FHIT: variants seen among roughly 807,000 people sequenced by gnomAD.
The protein encoded by FHIT is bis(5'-adenosyl)-triphosphatase.
In FHIT, 19 loss-of-function variants were observed where a neutral mutation model predicts 17.9. The ratio of observed to expected loss-of-function variants is 1.06; its 90% CI spans 0.74 to 1.56. The LOEUF is 1.56. FHIT is among the 40% of genes most tolerant of loss of function. FHIT has a pLI of 0.00. For synonymous variants in FHIT, 81 were observed against 69.7 expected (o/e 1.16, Z -0.81); for missense variants, 248 against 189.2 (o/e 1.31, Z -1.82).
intron 2 of FHIT, among the ~76,000 whole-genome samples, chr3:61,059,645 G>A (rs1028797076): frequency 6.6e-6 from 1 of 152,082 alleles, no homozygotes; most frequent in Non-Finnish European, 1.5e-5. Context: ...CTCCTTCAAA[G>A]AAAACAACTG....
At chr3:60,530,412 A>T (rs1047026720) in intron 5 of FHIT, among the ~76,000 whole-genome samples, 3 of 152,274 alleles carry the variant, frequency 2.0e-5, no homozygotes, top group African/African-American at 7.2e-5. Flanking sequence ...ATCCAATTTC[A>T]AACCTTCCTT....
At chr3:61,060,475 C>T (rs2034388451) in intron 2 of FHIT, among the ~76,000 whole-genome samples, 1 of 152,190 alleles carries the variant, frequency 6.6e-6, no homozygotes, top group Non-Finnish European at 1.5e-5. Context: ...AAGCCAGCAG[C>T]TTTCTGGGAA....
chr3:60,952,225 G>A (rs1408819910), intron 3 of FHIT, among the ~76,000 whole-genome samples: 3 of 133,358 alleles, frequency 2.2e-5, no homozygotes, highest in Non-Finnish European at 4.6e-5. Flanking sequence ...ATACCACACC[G>A]AATCAGTCGA....
chr3:60,941,752 T>A (rs2107419565), intron 3 of FHIT, among the ~76,000 whole-genome samples: 2 of 152,282 alleles, frequency 1.3e-5, no homozygotes, highest in Non-Finnish European at 2.9e-5. Context: ...CACCCTCTGA[T>A]CCCCTATTCG....
intron 5 of FHIT, among the ~76,000 whole-genome samples, chr3:60,434,885 T>C (rs115697345): frequency 3.6e-4 from 55 of 152,244 alleles, no homozygotes; most frequent in African/African-American, 1.3e-3. Flanking sequence ...ATTTTGGAAA[T>C]AACATCTTAC....
At chr3:60,144,336 T>G (rs917660063) in intron 5 of FHIT, among the ~76,000 whole-genome samples, 4 of 152,206 alleles carry the variant, frequency 2.6e-5, no homozygotes, top group African/African-American at 9.6e-5. Flanking sequence ...GCATCAATTA[T>G]TTCATTCAAT....
chr3:61,002,065 T>A (rs550955567), intron 3 of FHIT, among the ~76,000 whole-genome samples: 4 of 152,250 alleles, frequency 2.6e-5, no homozygotes, highest in African/African-American at 9.6e-5. Context: ...GATGTTTTGA[T>A]ATATGCATAC....
rs139863298 is a variant in FHIT at position 59,977,158 on chromosome 3, C to T, written c.279+34213G>A. Among the ~76,000 whole-genome samples the T allele has an allele frequency of 5.2e-3, 795 of 152,238 alleles. 27 individuals carry two copies. Among genetic ancestry groups the T allele is most frequent in the Admixed American group, 0.049 (748 of 15,274 alleles). On this transcript the variant is annotated intron_variant, in intron 7 of 9. Coordinates refer to ENST00000492590, the MANE Select transcript of FHIT (RefSeq NM_002012.4). ...TCTTAGAATGCATTTTCTACTCTCT[C>T]ATTTTATAGATAGCACAACTGAGTC...
intron 3 of FHIT, among the ~76,000 whole-genome samples, chr3:60,989,381 T>C (rs2029966615): frequency 6.6e-6 from 1 of 151,962 alleles, no homozygotes; most frequent in Non-Finnish European, 1.5e-5. Context: ...GGTCCTGAAC[T>C]CCTGGCCTCA....
At chr3:60,456,487 C>T (rs1277080728) in intron 5 of FHIT, among the ~76,000 whole-genome samples, 2 of 152,216 alleles carry the variant, frequency 1.3e-5, no homozygotes, top group East Asian at 1.9e-4. Context: ...AATTATGGAA[C>T]TAACCTATTT....
At chr3:60,597,741 G>A (rs914520265) in intron 4 of FHIT, among the ~76,000 whole-genome samples, 2 of 152,072 alleles carry the variant, frequency 1.3e-5, no homozygotes, top group African/African-American at 4.8e-5. Context: ...TTTAAAAGCC[G>A]ATCTTATCAA....
chr3:60,123,962 CTAAAAATATATATATATATATATATATA>C (rs1160311529), intron 5 of FHIT, among the ~76,000 whole-genome samples: 22 of 63,316 alleles, frequency 3.5e-4, no homozygotes, highest in African/African-American at 1.3e-3. Flanking sequence ...CAGAAATGCA[CTAAAAATATATATATATATATATATATA>C]TATATATATA....
At chr3:60,471,062 T>G (rs542966384) in intron 5 of FHIT, among the ~76,000 whole-genome samples, 1 of 152,206 alleles carries the variant, frequency 6.6e-6, no homozygotes, top group African/African-American at 2.4e-5. Flanking sequence ...TGGTGCCCTA[T>G]GCTACTATGG....
intron 3 of FHIT, among the ~76,000 whole-genome samples, chr3:60,851,349 G>T (rs1703145625): frequency 6.6e-6 from 1 of 152,012 alleles, no homozygotes; most frequent in African/African-American, 2.4e-5. Flanking sequence ...TCATTGGTGT[G>T]AATTTACTAG....
chr3:60,295,417 G>A (rs1342586827), intron 5 of FHIT, among the ~76,000 whole-genome samples: 2 of 152,146 alleles, frequency 1.3e-5, no homozygotes, highest in African/African-American at 2.4e-5. Context: ...TGAAGGAGAA[G>A]GGGAGCCAGC....
chr3:59,796,613 C>G (rs1699788178), intron 8 of FHIT, among the ~76,000 whole-genome samples: 1 of 152,334 alleles, frequency 6.6e-6, no homozygotes, highest in African/African-American at 2.4e-5. Flanking sequence ...AAATGAGATT[C>G]ATGTGTATGT....
chr3:60,561,734 T>G (rs2036954974), intron 4 of FHIT, among the ~76,000 whole-genome samples: 1 of 152,166 alleles, frequency 6.6e-6, no homozygotes. Context: ...TGACTATGCT[T>G]AGATGTGTCA....
intron 3 of FHIT, among the ~76,000 whole-genome samples, chr3:61,033,037 C>G (rs1018534693): frequency 6.6e-6 from 1 of 152,210 alleles, no homozygotes; most frequent in African/African-American, 2.4e-5. Flanking sequence ...CATTTCTGCA[C>G]GTTTTGTTCT....
intron 8 of FHIT, among the ~76,000 whole-genome samples, chr3:59,889,843 G>A (rs185176361): frequency 3.3e-5 from 5 of 152,310 alleles, no homozygotes; most frequent in African/African-American, 4.8e-5. Context: ...CCTAATGAGA[G>A]AACATACATT....
Sources: allele counts gnomAD v4.1 joint callset (sites outside exome capture counted in the v4.1 genomes callset), GRCh38; gene constraint gnomAD v4.1.1; transcripts MANE v1.5; gene names NCBI Gene and HGNC (gene_info 2026-07-23, HGNC 2026-07-21).